ADAM32: variants seen among roughly 807,000 people sequenced by gnomAD.
The protein encoded by ADAM32 is ADAM metallopeptidase domain 32.
In ADAM32, 89 loss-of-function variants were observed where a neutral mutation model predicts 114.9. The ratio of observed to expected loss-of-function variants is 0.77; its 90% CI spans 0.65 to 0.92. The LOEUF (loss-of-function observed/expected upper bound fraction) is 0.92. Ranked by LOEUF, ADAM32 falls within the 40% of genes least tolerant of loss-of-function variation. The pLI, the probability that ADAM32 is intolerant of heterozygous loss-of-function variation, is 0.00. For missense variants in ADAM32, 870 were observed against 932.8 expected, an observed-to-expected ratio of 0.93 and a Z score of 0.88; for synonymous variants, 285 against 307.5, an observed-to-expected ratio of 0.93 and a Z score of 0.77.
At chr8:39,116,023 C>A (rs2129444218) in intron 1 of ADAM32, among the ~76,000 whole-genome samples, 1 of 152,226 alleles carries the variant, frequency 6.6e-6, no homozygotes, top group Admixed American at 6.5e-5. Context: ...TTATTGTTAA[C>A]TGTCAAAGAT....
chr8:39,282,556 A>G (rs1813486221), intron 23 of ADAM32, among the ~76,000 whole-genome samples: 3 of 152,234 alleles, frequency 2.0e-5, no homozygotes, highest in Admixed American at 2.0e-4. Flanking sequence ...TGTTTAGCAT[A>G]CCCAGAAAGG....
At chr8:39,240,405 C>T (rs903077648) in intron 16 of ADAM32, among the ~76,000 whole-genome samples, 3 of 152,132 alleles carry the variant, frequency 2.0e-5, no homozygotes, top group South Asian at 2.1e-4. Context: ...CCATCCAATC[C>T]TCTGAGATAC....
At chr8:39,267,253 G>C (rs543433711) in intron 19 of ADAM32, among the ~76,000 whole-genome samples, 29 of 152,248 alleles carry the variant, frequency 1.9e-4, no homozygotes, top group African/African-American at 5.5e-4. Context: ...GCTGCAGGCT[G>C]GTATCCCAGA....
chr8:39,149,612 A>T (rs555238974), intron 4 of ADAM32, among the ~76,000 whole-genome samples, 179 bp from the exon 5 acceptor site: 1 of 152,190 alleles, frequency 6.6e-6, no homozygotes, highest in Non-Finnish European at 1.5e-5. Flanking sequence ...AGTGTAGTTA[A>T]CATAGTGTAA....
intron 19 of ADAM32, among the ~76,000 whole-genome samples, chr8:39,264,590 C>G (rs1812235928): frequency 6.6e-6 from 1 of 151,944 alleles, no homozygotes; most frequent in Non-Finnish European, 1.5e-5. Context: ...TTTCTTCTAG[C>G]TTTGGGGTTG....
At chr8:39,199,596 G>A (rs1049580127) in intron 11 of ADAM32, among the ~76,000 whole-genome samples, 3 of 151,628 alleles carry the variant, frequency 2.0e-5, no homozygotes, top group Non-Finnish European at 4.4e-5. Flanking sequence ...TTGAAATTAT[G>A]AATTGTTTTC....
intron 12 of ADAM32, chr8:39,221,339 G>A (rs925129721): frequency 3.6e-5 from 11 of 301,602 alleles, no homozygotes; most frequent in South Asian, 6.9e-5. Context: ...GTGAGGTCTC[G>A]CTTTTTATCC....
intron 2 of ADAM32, among the ~76,000 whole-genome samples, chr8:39,128,142 T>C (rs1291316215): frequency 1.3e-5 from 2 of 152,128 alleles, no homozygotes; most frequent in African/African-American, 2.4e-5. Flanking sequence ...CACTGTTATT[T>C]TGTGGGAGTC....
intron 18 of ADAM32, among the ~76,000 whole-genome samples, chr8:39,255,268 G>T (rs1402929488): frequency 1.3e-5 from 2 of 151,856 alleles, no homozygotes; most frequent in African/African-American, 2.4e-5. Flanking sequence ...TGGATCAAAT[G>T]GTAGATCTAC....
chr8:39,262,026 C>T (rs555274859), intron 19 of ADAM32, among the ~76,000 whole-genome samples: 2 of 152,232 alleles, frequency 1.3e-5, no homozygotes, highest in African/African-American at 4.8e-5. Context: ...TTTTGCTGTG[C>T]AGACACTTTT....
chr8:39,135,027 T>C (rs1392013586), intron 2 of ADAM32, among the ~76,000 whole-genome samples: 1 of 152,102 alleles, frequency 6.6e-6, no homozygotes, highest in Non-Finnish European at 1.5e-5. Context: ...TGGTGGCGCA[T>C]GTCTGTAATT....
chr8:39,158,582 C>A (rs1804303856), intron 6 of ADAM32: 2 of 340,068 alleles, frequency 5.9e-6, no homozygotes, highest in South Asian at 2.9e-5. Context: ...TGAGGTGGAC[C>A]AGTTTAGAAG....
intron 2 of ADAM32, among the ~76,000 whole-genome samples, 173 bp downstream of exon 2, chr8:39,118,338 G>A (rs914524688): frequency 6.6e-5 from 10 of 151,820 alleles, no homozygotes; most frequent in African/African-American, 2.4e-4. Flanking sequence ...AGAATGTTCT[G>A]TATTTTTTTA....
intron 6 of ADAM32, among the ~76,000 whole-genome samples, chr8:39,156,147 A>T (rs1804136206): frequency 2.6e-5 from 4 of 152,112 alleles, no homozygotes; most frequent in Non-Finnish European, 5.9e-5. Flanking sequence ...TAATAATAGT[A>T]TCTTTTTTTT....
intron 6 of ADAM32, 125 bp downstream of exon 6, chr8:39,151,673 A>ATT: frequency 1.1e-5 from 6 of 564,468 alleles, no homozygotes; most frequent in Middle Eastern, 5.3e-4. Flanking sequence ...TGAACATCTT[A>ATT]TCTTTTTTTT....
intron 7 of ADAM32, among the ~76,000 whole-genome samples, chr8:39,162,366 T>G (rs1804568453): frequency 6.6e-6 from 1 of 152,188 alleles, no homozygotes. Context: ...CTGCATAGTA[T>G]TCCATGGTGT....
At chr8:39,134,496 A>G (rs1185042133) in intron 2 of ADAM32, among the ~76,000 whole-genome samples, 1 of 152,018 alleles carries the variant, frequency 6.6e-6, no homozygotes, top group Non-Finnish European at 1.5e-5. Context: ...CTTTCCTTCT[A>G]GGCCTCAGAG....
At chr8:39,259,397 C>T (rs771715326) in intron 19 of ADAM32, among the ~76,000 whole-genome samples, 5 of 151,930 alleles carry the variant, frequency 3.3e-5, no homozygotes, top group Non-Finnish European at 7.4e-5. Context: ...GACTGGGTTT[C>T]TCCATGTCAG....
intron 23 of ADAM32, among the ~76,000 whole-genome samples, chr8:39,282,143 G>C (rs1177801483): frequency 1.5e-4 from 23 of 152,166 alleles, no homozygotes; most frequent in Admixed American, 1.2e-3. Context: ...AGTTGTGATA[G>C]AGTGCTCAAA....
Sources: allele counts gnomAD v4.1 joint callset (sites outside exome capture counted in the v4.1 genomes callset), GRCh38; gene constraint gnomAD v4.1.1; transcripts MANE v1.5; gene names NCBI Gene and HGNC (gene_info 2026-07-23, HGNC 2026-07-21).